The following DNAH11 variants were observed in gnomAD, a reference collection of about 807,000 sequenced individuals.
The protein encoded by DNAH11 is axonemal beta dynein heavy chain 11.
DNAH11 carries 442 observed loss-of-function variants against 526.0 expected under a neutral mutation model. The ratio of observed to expected loss-of-function variants is 0.84; its 90% CI spans 0.78 to 0.91. The LOEUF is 0.91. Among genes scored for constraint, DNAH11 ranks in the 40% least tolerant of loss-of-function variants. The probability of loss-of-function intolerance (pLI) is 0.00; values close to 1 mark genes in which losing one functional copy is unlikely to be tolerated. For missense variants in DNAH11, 6,989 were observed against 5,448.7 expected, an observed-to-expected ratio of 1.28 and a Z score of -8.90; for synonymous variants, 2,461 against 1,935.9, an observed-to-expected ratio of 1.27 and a Z score of -7.12.
intron 15 of DNAH11, 75 bp downstream of exon 15, chr7:21,600,194 T>G: frequency 7.5e-7 from 1 of 1,331,322 alleles, no homozygotes; most frequent in Non-Finnish European, 1.0e-6. Context: ...GTATGGTAGC[T>G]CATGCTGGGA....
At position 21,750,219 on chromosome 7, in the gene DNAH11, C is replaced by T. The variant is rs1442574520; in HGVS notation, c.8798-3C>T. 1.3e-6 allele frequency: 2 copies of T among 1,590,646 alleles called. No homozygotes were observed. The highest frequency in any genetic ancestry group is 2.2e-5 in the East Asian group (1 of 44,452). On this transcript the variant is annotated splice_polypyrimidine_tract_variant and splice_region_variant and intron_variant, in intron 53 of 81. Coordinates refer to ENST00000409508, the MANE Select transcript of DNAH11 (RefSeq NM_001277115.2). ...TAGTAATTCTACTCATTCTTTGGGG[C>T]AGGAGAAATCCCAGATCTGTTCAGC... is the stretch of plus-strand genomic sequence containing the variant.
chr7:21,872,620 G>C (rs1381845138), intron 73 of DNAH11, among the ~76,000 whole-genome samples: 1 of 152,162 alleles, frequency 6.6e-6, no homozygotes, highest in African/African-American at 2.4e-5. Context: ...GAGCAAATTT[G>C]TGAATCATAA....
At chr7:21,892,965 C>G (rs1255757689) in intron 77 of DNAH11, among the ~76,000 whole-genome samples, 1 of 152,184 alleles carries the variant, frequency 6.6e-6, no homozygotes, top group Non-Finnish European at 1.5e-5. Context: ...ATGTCTAACT[C>G]CTTTCATTCT....
intron 8 of DNAH11, 81 bp downstream of exon 8, chr7:21,572,054 T>G (rs1015199004): frequency 1.6e-6 from 2 of 1,227,428 alleles, no homozygotes; most frequent in African/African-American, 3.1e-5. Context: ...ACAGTGATAA[T>G]AGGGACCATC....
At chr7:21,872,689 A>C (rs1349196789) in intron 73 of DNAH11, among the ~76,000 whole-genome samples, 1 of 152,238 alleles carries the variant, frequency 6.6e-6, no homozygotes, top group African/African-American at 2.4e-5. Flanking sequence ...TGTGATTTTC[A>C]ACAGACCTAG....
chr7:21,684,820 C>A (rs139130994), intron 32 of DNAH11, among the ~76,000 whole-genome samples: 165 of 152,358 alleles, frequency 1.1e-3, no homozygotes, highest in African/African-American at 3.7e-3. Context: ...GTCACATTGA[C>A]GGGAATTTCT....
chr7:21,742,513 G>A (rs970287127), intron 49 of DNAH11, among the ~76,000 whole-genome samples: 3 of 152,098 alleles, frequency 2.0e-5, no homozygotes, highest in African/African-American at 7.2e-5. Context: ...CACTTATTAC[G>A]GAGGGGATGG....
At chr7:21,752,651 G>A (rs766047453) in intron 54 of DNAH11, among the ~76,000 whole-genome samples, 1 of 151,960 alleles carries the variant, frequency 6.6e-6, no homozygotes, top group Non-Finnish European at 1.5e-5. Context: ...TCCATTTCTT[G>A]TAAATTTAGA....
At chr7:21,782,761 T>C (rs1788003922) in intron 57 of DNAH11, among the ~76,000 whole-genome samples, 1 of 151,938 alleles carries the variant, frequency 6.6e-6, no homozygotes, top group Non-Finnish European at 1.5e-5. Flanking sequence ...ATATAAAAAA[T>C]CAGCCGGGTG....
chr7:21,718,189 A>T lies in DNAH11; in HGVS notation c.7134+264A>T, dbSNP rs59449964. Among the ~76,000 whole-genome samples the T allele has an allele frequency of 0.096, 14,508 of 150,582 alleles. 1,597 individuals carry two copies. Among genetic ancestry groups the T allele is most frequent in the East Asian group, 0.34 (1,756 of 5,114 alleles). ...AGAAGGTTAGAACCATGTTTTACTG[A>T]TTTTTTTTTAGTATCCCCAGATAGC... On this transcript the variant is annotated intron_variant, in intron 43 of 81. Transcript: ENST00000409508.
At chr7:21,587,223 C>G (rs1784502729) in intron 9 of DNAH11, among the ~76,000 whole-genome samples, 1 of 152,188 alleles carries the variant, frequency 6.6e-6, no homozygotes, top group African/African-American at 2.4e-5. Flanking sequence ...CACTGGATAA[C>G]TAAGCTTTGT....
Position 21,686,055 on chromosome 7 carries a change from G to T in DNAH11, c.5622-1044G>T, listed in dbSNP as rs1014759631. The stretch of plus-strand genomic sequence containing the variant: ...AAAAAGTACTCTGATTCCTAGTCTG[G>T]GAGCCTTTTCACTCATTCATTGTAA... On this transcript the variant is annotated intron_variant, in intron 32 of 81. Coordinates refer to ENST00000409508, the MANE Select transcript of DNAH11 (RefSeq NM_001277115.2). Among the ~76,000 whole-genome samples, 4 of 152,122 alleles carry T rather than the reference G, an allele frequency of 2.6e-5. No homozygotes were observed. The East Asian group carries it at 7.7e-4, about 29-fold the overall frequency.
intron 54 of DNAH11, among the ~76,000 whole-genome samples, chr7:21,755,469 C>A (rs1786588506): frequency 6.6e-6 from 1 of 152,004 alleles, no homozygotes; most frequent in Admixed American, 6.6e-5. Flanking sequence ...CTGATTCCAT[C>A]CCAAGATTTT....
At chr7:21,712,729 T>A (rs1488888534) in intron 42 of DNAH11, among the ~76,000 whole-genome samples, 1 of 152,260 alleles carries the variant, frequency 6.6e-6, no homozygotes. Context: ...TCGGTGCTTT[T>A]TAAAATTGTG....
At position 21,637,539 on chromosome 7, in the gene DNAH11, A is replaced by T. The variant is rs1260685388; in HGVS notation, c.4726-72A>T. On this transcript the variant is annotated intron_variant, in intron 26 of 81. Transcript: ENST00000409508. The stretch of plus-strand genomic sequence containing the variant: ...TCATTCTTTGTTCTTCATTTTTTTA[A>T]TTCTTGAAATGATTAAAAGTTTAGA... 4.8e-6 allele frequency: 5 copies of T among 1,039,808 alleles called. No individual in the cohort carries two copies. In the East Asian group the frequency reaches 1.3e-4, roughly 27 times the overall value. The allele number at this position is 1,039,808 out of a possible 1,614,324, so 64.4% of individuals were successfully genotyped here.
At chr7:21,707,041 A>G (rs1424654872) in intron 39 of DNAH11, among the ~76,000 whole-genome samples, 4 of 152,208 alleles carry the variant, frequency 2.6e-5, no homozygotes, top group Admixed American at 6.5e-5. Context: ...GTAGGAGGCT[A>G]TCCTGCTCAT....
intron 43 of DNAH11, among the ~76,000 whole-genome samples, chr7:21,719,031 T>A (rs1169924493): frequency 6.6e-6 from 1 of 152,236 alleles, no homozygotes; most frequent in African/African-American, 2.4e-5. Context: ...TATCGTGTTC[T>A]TTCTCAAGTT....
chr7:21,716,257 G>A (rs746532185), intron 42 of DNAH11, among the ~76,000 whole-genome samples: 7 of 152,054 alleles, frequency 4.6e-5, no homozygotes, highest in Non-Finnish European at 1.0e-4. Context: ...CTGCCTTTAG[G>A]AGAAACAGAG....
chr7:21,735,557 G>A (rs2128488997), intron 45 of DNAH11, 83 bp from the exon 46 acceptor site: 2 of 1,160,452 alleles, frequency 1.7e-6, no homozygotes, highest in East Asian at 2.6e-5. Flanking sequence ...TGTTGAGTTT[G>A]ATATAAAATT....
Sources: allele counts gnomAD v4.1 joint callset (sites outside exome capture counted in the v4.1 genomes callset), GRCh38; gene constraint gnomAD v4.1.1; transcripts MANE v1.5; gene names NCBI Gene and HGNC (gene_info 2026-07-23, HGNC 2026-07-21).